PAPSS1: variants seen among roughly 807,000 people sequenced by gnomAD.
PAPSS1 encodes bifunctional 3'-phosphoadenosine 5'-phosphosulfate synthase 1.
A neutral mutation model predicts 72.0 loss-of-function variants in PAPSS1; 50 were observed. That is an observed-to-expected ratio of 0.69 (90% CI 0.55 to 0.88). The LOEUF is 0.88. Ranked by LOEUF, PAPSS1 falls within the 40% of genes least tolerant of loss-of-function variation. The probability of loss-of-function intolerance (pLI) is 0.00; values close to 1 mark genes in which losing one functional copy is unlikely to be tolerated. For synonymous variants in PAPSS1, 261 were observed against 263.6 expected, an observed-to-expected ratio of 0.99 and a Z score of 0.09; for missense variants, 657 against 782.2, an observed-to-expected ratio of 0.84 and a Z score of 1.91.
At chr4:107,674,963 T>C (rs112442311) in intron 5 of PAPSS1, among the ~76,000 whole-genome samples, 2 of 152,122 alleles carry the variant, frequency 1.3e-5, no homozygotes, top group African/African-American at 4.8e-5. Flanking sequence ...AAGGCAGAAA[T>C]AAAGATGTTC....
At chr4:107,681,615 T>C (rs1021100970) in intron 5 of PAPSS1, among the ~76,000 whole-genome samples, 1 of 152,126 alleles carries the variant, frequency 6.6e-6, no homozygotes, top group Non-Finnish European at 1.5e-5. Context: ...CATCATGTTA[T>C]CACAAGGAAA....
chr4:107,683,207 A>G (rs1722681839), intron 4 of PAPSS1, among the ~76,000 whole-genome samples: 1 of 152,158 alleles, frequency 6.6e-6, no homozygotes, highest in South Asian at 2.1e-4. Flanking sequence ...ACAGCTAGCA[A>G]AAGAGTTCAA....
chr4:107,628,526 T>C (rs988150683), intron 11 of PAPSS1, among the ~76,000 whole-genome samples: 2 of 152,178 alleles, frequency 1.3e-5, no homozygotes, highest in African/African-American at 2.4e-5. Flanking sequence ...TTCAGACTAA[T>C]GGTTACTAGG....
intron 5 of PAPSS1, among the ~76,000 whole-genome samples, chr4:107,678,668 A>G (rs1727724848): frequency 6.6e-6 from 1 of 152,090 alleles, no homozygotes; most frequent in Non-Finnish European, 1.5e-5. Context: ...ACAATGGGGG[A>G]CCGGGGGGTA....
Position 107,647,879 on chromosome 4 carries a change from T to A in PAPSS1, c.1238-2809A>T, listed in dbSNP as rs1726735609. ...GGTTCAATTACCGCACACATACAGA[T>A]GGCTTCTCTTAGCCACATCTCTAAG... is the stretch of plus-strand genomic sequence containing the variant. On this transcript the variant is annotated intron_variant, in intron 9 of 11. Coordinates refer to ENST00000265174, the MANE Select transcript of PAPSS1 (RefSeq NM_005443.5). Among the ~76,000 whole-genome samples, 3 of 152,186 alleles carry A rather than the reference T, an allele frequency of 2.0e-5. No individual in the cohort carries two copies. In the South Asian group the frequency reaches 6.2e-4, roughly 31 times the overall value.
In PAPSS1 at chr4:107,635,653, C is replaced by A. The variant is rs1188143423; in HGVS notation, c.1507-3793G>T. Among the ~76,000 whole-genome samples, 3 of 151,804 alleles carry A rather than the reference C, an allele frequency of 2.0e-5. No homozygotes were observed. In the East Asian group the frequency reaches 5.8e-4, roughly 29 times the overall value. ...AAAAAGGAGAAAAAATAGGATGTGACCAGTGAGTTAACATTTTAAAAATAA... is the reference window on the plus strand; with the variant it reads ...AAAAAGGAGAAAAAATAGGATGTGAACAGTGAGTTAACATTTTAAAAATAA... On this transcript the variant is annotated intron_variant, in intron 10 of 11. Coordinates refer to ENST00000265174, the MANE Select transcript of PAPSS1 (RefSeq NM_005443.5).
In PAPSS1 at chr4:107,664,599, T is replaced by A. The variant is rs566168669; in HGVS notation, c.670-4527A>T. ...GAAGAGATGGTCCAAATAAGAACTC[T>A]GCACTAACGAATGTTTCTATAGATG... On this transcript the variant is annotated intron_variant, in intron 5 of 11. Coordinates refer to ENST00000265174, the MANE Select transcript of PAPSS1 (RefSeq NM_005443.5). Among the ~76,000 whole-genome samples the A allele has an allele frequency of 4.6e-5, 7 of 152,222 alleles. No individual in the cohort carries two copies. In the South Asian group the frequency reaches 1.2e-3, roughly 27 times the overall value.
At chr4:107,677,592 T>A (rs939566477) in intron 5 of PAPSS1, among the ~76,000 whole-genome samples, 3 of 152,240 alleles carry the variant, frequency 2.0e-5, no homozygotes, top group African/African-American at 7.2e-5. Flanking sequence ...TTGGTGGGAC[T>A]ATAAACTAGT....
intron 11 of PAPSS1, among the ~76,000 whole-genome samples, chr4:107,615,832 C>G (rs1029509665): frequency 6.6e-6 from 1 of 152,026 alleles, no homozygotes; most frequent in Admixed American, 6.6e-5. Context: ...GGATTAATCC[C>G]CTTATAAGAA....
At chr4:107,650,954 T>C (rs1726823213) in intron 9 of PAPSS1, among the ~76,000 whole-genome samples, 1 of 152,188 alleles carries the variant, frequency 6.6e-6, no homozygotes, top group South Asian at 2.1e-4. Context: ...ACTTAATGCA[T>C]TGACCCTTAA....
intron 11 of PAPSS1, among the ~76,000 whole-genome samples, chr4:107,624,076 T>C (rs1170784860): frequency 2.0e-5 from 3 of 152,228 alleles, no homozygotes; most frequent in Non-Finnish European, 4.4e-5. Context: ...AACTGCCTTA[T>C]CTGGCTCCTG....
intron 2 of PAPSS1, among the ~76,000 whole-genome samples, chr4:107,699,335 A>G (rs1355556304): frequency 1.3e-5 from 2 of 152,098 alleles, no homozygotes; most frequent in Non-Finnish European, 2.9e-5. Context: ...AGGTAAGAGG[A>G]CTTACTCCAC....
chr4:107,624,222 G>A (rs899710104), intron 11 of PAPSS1, among the ~76,000 whole-genome samples: 2 of 152,164 alleles, frequency 1.3e-5, no homozygotes, highest in Non-Finnish European at 2.9e-5. Context: ...TCAAAGGAGT[G>A]CTGACTCATC....
intron 4 of PAPSS1, among the ~76,000 whole-genome samples, chr4:107,686,812 A>T (rs1204567884): frequency 5.3e-5 from 8 of 152,138 alleles, no homozygotes; most frequent in Non-Finnish European, 1.0e-4. Context: ...CCGAGCCCCA[A>T]CTCTGGCTAG....
intron 5 of PAPSS1, among the ~76,000 whole-genome samples, chr4:107,678,136 T>C (rs1006553339): frequency 2.6e-5 from 4 of 151,608 alleles, no homozygotes; most frequent in Non-Finnish European, 5.9e-5. Context: ...TGTATACATA[T>C]GTAACTAACC....
chr4:107,647,629 G>C (rs1179544368), intron 9 of PAPSS1, among the ~76,000 whole-genome samples: 1 of 152,114 alleles, frequency 6.6e-6, no homozygotes, highest in African/African-American at 2.4e-5. Context: ...TGTCCTGAAA[G>C]CATGGTCTTT....
chr4:107,653,370 C>A, intron 9 of PAPSS1, 121 bp downstream of exon 9: 1 of 738,418 alleles, frequency 1.4e-6, no homozygotes, highest in Non-Finnish European at 2.1e-6. Flanking sequence ...CCTTTCTTTA[C>A]ATATTCCACT....
At chr4:107,705,838 C>T in intron 1 of PAPSS1, among the ~76,000 whole-genome samples, 1 of 152,152 alleles carries the variant, frequency 6.6e-6, no homozygotes, top group Admixed American at 6.5e-5. Flanking sequence ...TTTAGTGTTT[C>T]TTTTAAGACA....
chr4:107,662,723 C>A (rs1578406108), intron 5 of PAPSS1, among the ~76,000 whole-genome samples: 1 of 152,018 alleles, frequency 6.6e-6, no homozygotes, highest in Non-Finnish European at 1.5e-5. Context: ...CTGGGAGATT[C>A]TCTTTATGAG....
Sources: gnomAD v4.1 joint callset for allele counts (sites outside exome capture counted in the v4.1 genomes callset) on GRCh38, gnomAD v4.1.1 for gene constraint, MANE v1.5 for transcripts, NCBI Gene and HGNC (gene_info 2026-07-23, HGNC 2026-07-21) for gene names.